The following PCDH15 variants were observed in gnomAD, a reference collection of about 807,000 sequenced individuals.
PCDH15 encodes the protein protocadherin-15.
A neutral mutation model predicts 178.5 loss-of-function variants in PCDH15; 129 were observed. That is an observed-to-expected ratio of 0.72 (90% CI 0.63 to 0.84). PCDH15 has a LOEUF of 0.84. Ranked by LOEUF, PCDH15 falls within the 40% of genes least tolerant of loss-of-function variation. The probability of loss-of-function intolerance (pLI) is 0.00; values close to 1 mark genes in which losing one functional copy is unlikely to be tolerated. For synonymous variants in PCDH15, 800 were observed against 732.0 expected (o/e 1.09, Z -1.50); for missense variants, 2,230 against 2,099.9 (o/e 1.06, Z -1.21).
At chr10:55,442,324 C>A (rs1056909797) in intron 2 of PCDH15, among the ~76,000 whole-genome samples, 2 of 149,410 alleles carry the variant, frequency 1.3e-5, no homozygotes, top group African/African-American at 2.5e-5. Flanking sequence ...TCCATTAATT[C>A]AGCGATGAGA....
chr10:54,137,116 A>G (rs1319969261), intron 14 of PCDH15, among the ~76,000 whole-genome samples: 1 of 152,234 alleles, frequency 6.6e-6, no homozygotes, highest in East Asian at 1.9e-4. Flanking sequence ...TTTATGCTGT[A>G]ATAAATAGTA....
At chr10:53,911,718 C>T (rs2083101425) in intron 25 of PCDH15, among the ~76,000 whole-genome samples, 2 of 152,100 alleles carry the variant, frequency 1.3e-5, no homozygotes, top group Admixed American at 1.3e-4. Context: ...CCAATAAAGT[C>T]TTGCACCATC....
intron 3 of PCDH15, among the ~76,000 whole-genome samples, chr10:54,837,315 A>C (rs924728247): frequency 5.3e-5 from 8 of 152,140 alleles, no homozygotes; most frequent in African/African-American, 1.9e-4. Context: ...AATAAAAACT[A>C]ATGTAATTCC....
chr10:55,269,937 T>C (rs896223260), intron 1 of PCDH15, among the ~76,000 whole-genome samples: 4 of 152,100 alleles, frequency 2.6e-5, no homozygotes, highest in East Asian at 1.9e-4. Context: ...ATAAGACACA[T>C]AGACCAATGG....
At chr10:55,597,604 T>C (rs1448703576) in intron 2 of PCDH15, among the ~76,000 whole-genome samples, 2 of 152,168 alleles carry the variant, frequency 1.3e-5, no homozygotes, top group African/African-American at 2.4e-5. Flanking sequence ...CAAGCATCCC[T>C]CTCTGAAAAG....
intron 14 of PCDH15, among the ~76,000 whole-genome samples, chr10:54,141,053 TATTTATATGTATACATATACAC>T (rs1177826961): frequency 1.3e-5 from 2 of 151,420 alleles, no homozygotes; most frequent in Middle Eastern, 3.2e-3. Flanking sequence ...CACATACACA[TATTTATATGTATACATATACAC>T]ATAGGTATAC....
At chr10:55,516,625 T>C (rs917265483) in intron 2 of PCDH15, among the ~76,000 whole-genome samples, 1 of 152,158 alleles carries the variant, frequency 6.6e-6, no homozygotes, top group African/African-American at 2.4e-5. Context: ...CACACAGTTG[T>C]TACTTTTTAC....
chr10:54,956,229 T>G (rs2131879483), intron 2 of PCDH15, among the ~76,000 whole-genome samples: 1 of 151,508 alleles, frequency 6.6e-6, no homozygotes, highest in African/African-American at 2.4e-5. Context: ...ATATATAAAA[T>G]TTTAAAAACT....
rs1779257 is a variant in PCDH15, at chr10:55,076,105, G to A, written c.-80+90471C>T. On this transcript the variant is annotated intron_variant, in intron 2 of 5. Transcript: ENST00000458638. ...TTCATCGTTGTCTGAGAAGACACTTGACATGATTTTATTTTTAAAAAATGA... is the reference window on the plus strand; with the variant it reads ...TTCATCGTTGTCTGAGAAGACACTTAACATGATTTTATTTTTAAAAAATGA... 4.7e-3 allele frequency among the ~76,000 whole-genome samples: 712 copies of A among 152,164 alleles called. 3 individuals carry two copies. Among genetic ancestry groups the A allele is most frequent in the African/African-American group, 0.017 (692 of 41,530 alleles).
At chr10:54,013,370 A>T (rs984780904) in intron 20 of PCDH15, among the ~76,000 whole-genome samples, 1 of 152,168 alleles carries the variant, frequency 6.6e-6, no homozygotes, top group Admixed American at 6.5e-5. Flanking sequence ...AGTGAAAAAG[A>T]TATTTAGGAC....
At chr10:55,376,949 A>C (rs1462913793) in intron 2 of PCDH15, among the ~76,000 whole-genome samples, 2 of 152,060 alleles carry the variant, frequency 1.3e-5, no homozygotes, top group Non-Finnish European at 1.5e-5. Context: ...GCTTAAAATT[A>C]TAACCCTATT....
At chr10:55,460,020 A>G (rs1839637925) in intron 2 of PCDH15, among the ~76,000 whole-genome samples, 1 of 152,080 alleles carries the variant, frequency 6.6e-6, no homozygotes, top group African/African-American at 2.4e-5. Context: ...GACCGTTGAC[A>G]AGAAAAACCA....
At chr10:54,316,320 C>T (rs1022160583) in intron 8 of PCDH15, among the ~76,000 whole-genome samples, 22 of 152,052 alleles carry the variant, frequency 1.4e-4, no homozygotes, top group African/African-American at 5.1e-4. Flanking sequence ...CATTCCTGTT[C>T]TATTCCTCAA....
chr10:54,380,731 T>TATACACAC (rs56903676), intron 3 of PCDH15, among the ~76,000 whole-genome samples: 2 of 51,980 alleles, frequency 3.8e-5, no homozygotes, highest in African/African-American at 1.4e-4. Flanking sequence ...TATATATATA[T>TATACACAC]ATATATATAT....
intron 21 of PCDH15, among the ~76,000 whole-genome samples, chr10:53,989,360 C>G (rs1365014026): frequency 6.6e-6 from 1 of 152,046 alleles, no homozygotes; most frequent in East Asian, 1.9e-4. Flanking sequence ...GTAAGTATGA[C>G]AATTTCTAAA....
chr10:53,915,220 A>G (rs1162825517), intron 25 of PCDH15, among the ~76,000 whole-genome samples: 1 of 152,240 alleles, frequency 6.6e-6, no homozygotes, highest in African/African-American at 2.4e-5. Flanking sequence ...AGACAGAATT[A>G]ACAGGAACAA....
chr10:55,482,870 G>A (rs942955178), intron 2 of PCDH15, among the ~76,000 whole-genome samples: 1 of 151,890 alleles, frequency 6.6e-6, no homozygotes, highest in African/African-American at 2.4e-5. Flanking sequence ...GGCCTTTCTA[G>A]CTAGGTTGGG....
At chr10:54,492,437 C>T (rs1404572715) in intron 3 of PCDH15, among the ~76,000 whole-genome samples, 1 of 152,166 alleles carries the variant, frequency 6.6e-6, no homozygotes, top group Non-Finnish European at 1.5e-5. Flanking sequence ...ATAGTAGTTA[C>T]TGTCTTTGGC....
At chr10:54,517,757 C>G (rs2082382559) in intron 3 of PCDH15, among the ~76,000 whole-genome samples, 1 of 152,140 alleles carries the variant, frequency 6.6e-6, no homozygotes, top group Non-Finnish European at 1.5e-5. Context: ...ACAGAATATA[C>G]ATTTTTTTCA....
Sources: allele counts gnomAD v4.1 joint callset (sites outside exome capture counted in the v4.1 genomes callset), GRCh38; gene constraint gnomAD v4.1.1; transcripts MANE v1.5; gene names NCBI Gene and HGNC (gene_info 2026-07-23, HGNC 2026-07-21).